The following HPS3 variants were observed in gnomAD, a reference collection of about 807,000 sequenced individuals.
The protein encoded by HPS3 is HPS3 biogenesis of lysosomal organelles complex 2 subunit 1, also known as BLOC-2 complex member HPS3.
In HPS3, 79 loss-of-function variants were observed where a neutral mutation model predicts 110.9. The observed-to-expected ratio is 0.71, with a 90% CI of 0.59 to 0.86. The LOEUF is 0.86. Among genes scored for constraint, HPS3 ranks in the 40% least tolerant of loss-of-function variants. HPS3 has a pLI of 0.00. For synonymous variants in HPS3, 428 were observed against 451.0 expected (o/e 0.95, Z 0.65); for missense variants, 1,197 against 1,206.2 (o/e 0.99, Z 0.11).
At chr3:149,140,785 C>T (rs112117971) in intron 2 of HPS3, among the ~76,000 whole-genome samples, 6 of 152,262 alleles carry the variant, frequency 3.9e-5, no homozygotes, top group African/African-American at 1.4e-4. Flanking sequence ...ATAATACCAT[C>T]TCTGAGTTTC....
chr3:149,149,692 T>G (rs1324410945), intron 5 of HPS3, among the ~76,000 whole-genome samples: 1 of 152,162 alleles, frequency 6.6e-6, no homozygotes, highest in Admixed American at 6.5e-5. Context: ...CACTTTCTAG[T>G]TTTTTTAAAA....
rs1040411263 is a variant in HPS3 at position 149,141,076 on chromosome 3, C to T, written c.772C>T (p.Leu258=). Residue 258 remains leucine, a synonymous_variant, in exon 3 of 17, where the codon CTG becomes TTG. Transcript: ENST00000296051. ...TGATTTTGTCATCTGCCAGAAGCCCCTGGAACTTCTTGGTGAAAAAAGTGA... is the reference window on the plus strand; with the variant it reads ...TGATTTTGTCATCTGCCAGAAGCCCTTGGAACTTCTTGGTGAAAAAAGTGA... ...SDDFVICQKP[L]ELLGEKSEQS... is the part of the protein sequence containing the mutation. 5 of 1,613,854 alleles carry T rather than the reference C, an allele frequency of 3.1e-6. 1 individual carries two copies. Among genetic ancestry groups the T allele is most frequent in the Middle Eastern group, 3.3e-4 (2 of 6,060 alleles).
intron 9 of HPS3, among the ~76,000 whole-genome samples, chr3:149,157,884 G>A (rs184125856): frequency 1.3e-3 from 204 of 152,268 alleles, no homozygotes; most frequent in African/African-American, 4.8e-3. Context: ...TTAACACTTG[G>A]ACATATTAAA....
At chr3:149,163,987 A>G in intron 14 of HPS3, 38 bp downstream of exon 14, 1 of 1,009,262 alleles carries the variant, frequency 9.9e-7, no homozygotes, top group Non-Finnish European at 1.6e-6. Context: ...GAAATTGCAT[A>G]TTACAATATA....
chr3:149,152,607 C>G (rs1576680618), intron 6 of HPS3, among the ~76,000 whole-genome samples: 2 of 152,308 alleles, frequency 1.3e-5, no homozygotes, highest in Middle Eastern at 6.8e-3. Flanking sequence ...GGCTTTGGAG[C>G]TGTGATGTCT....
Position 149,140,472 on chromosome 3 carries a change from A to C in HPS3, c.686A>C (p.Asn229Thr). Residue 229 changes from asparagine (N) to threonine (T), a missense_variant, in exon 2 of 17, where the codon AAC becomes ACC. Physicochemically the swap from Asn to Thr is moderately conservative, Grantham distance 65 (BLOSUM62 0). Coordinates refer to ENST00000296051, the MANE Select transcript of HPS3 (RefSeq NM_032383.5). ...ERVHHHPHKT[N>T]NRIRRTEEGI... The stretch of plus-strand genomic sequence containing the variant: ...GTTCACCACCATCCACATAAGACCA[A>C]CAATCGAATAAGACGGACAGAAGAA... 1 of 1,614,170 alleles carries C rather than the reference A, an allele frequency of 6.2e-7. No homozygotes were observed. Among genetic ancestry groups the C allele is most frequent in the Non-Finnish European group, 8.5e-7 (1 of 1,180,022 alleles).
chr3:149,167,571 C>G (rs1724552019), intron 15 of HPS3, among the ~76,000 whole-genome samples: 1 of 152,010 alleles, frequency 6.6e-6, no homozygotes, highest in Non-Finnish European at 1.5e-5. Flanking sequence ...AATTTTGGAC[C>G]TTAGTTCTTT....
intron 6 of HPS3, among the ~76,000 whole-genome samples, chr3:149,151,323 A>G (rs774229453): frequency 3.3e-4 from 50 of 151,964 alleles, no homozygotes; most frequent in Non-Finnish European, 6.5e-4. Flanking sequence ...ATGAACCACC[A>G]TGCCTGGCCC....
intron 11 of HPS3, 72 bp downstream of exon 11, chr3:149,160,351 T>C (rs573316005): frequency 1.0e-6 from 1 of 981,578 alleles, no homozygotes; most frequent in African/African-American, 1.6e-5. Flanking sequence ...TTAGCTGTCT[T>C]CTGGCTTCTT....
intron 8 of HPS3, 138 bp from the exon 9 acceptor site, chr3:149,157,212 A>C: frequency 2.5e-6 from 2 of 785,730 alleles, no homozygotes; most frequent in Non-Finnish European, 4.2e-6. Context: ...AGAATGGTGA[A>C]TAACCATTTT....
At chr3:149,141,970 A>C (rs1325363339) in intron 4 of HPS3, among the ~76,000 whole-genome samples, 22 of 147,160 alleles carry the variant, frequency 1.5e-4, no homozygotes, top group East Asian at 1.2e-3. Context: ...CCTGCCTCAG[A>C]CTCCCGAGTA....
At chr3:149,134,727 C>T (rs1469905962) in intron 1 of HPS3, among the ~76,000 whole-genome samples, 1 of 152,134 alleles carries the variant, frequency 6.6e-6, no homozygotes, top group African/African-American at 2.4e-5. Flanking sequence ...AGCATTGTAA[C>T]CTCATTAACG....
At position 149,141,017 on chromosome 3, in the gene HPS3, G is replaced by A; in HGVS notation, c.713G>A (p.Gly238Asp). The A allele has an allele frequency of 6.2e-7, 1 of 1,613,286 alleles. No homozygotes were observed. Among genetic ancestry groups the A allele is most frequent in the Non-Finnish European group, 8.5e-7 (1 of 1,179,512 alleles). ...GACTGTTACATTTTATTTTTTTAAG[G>A]CATCAGTAATGAAATTTCACAGCTT... ...TNNRIRRTEE[G>D]ISNEISQLES... Residue 238 changes from glycine to aspartate, a missense_variant and splice_region_variant, in exon 3 of 17, where the codon GGC becomes GAC. Coordinates refer to ENST00000296051, the MANE Select transcript of HPS3 (RefSeq NM_032383.5).
intron 9 of HPS3, 129 bp from the exon 10 acceptor site, chr3:149,158,537 C>A: frequency 1.1e-6 from 1 of 909,594 alleles, no homozygotes; most frequent in Non-Finnish European, 1.8e-6. Flanking sequence ...CCTGGAATCC[C>A]AGCACTTTGG....
At chr3:149,134,324 TTCTACTGAGTAACAAAC>T (rs1721949057) in intron 1 of HPS3, among the ~76,000 whole-genome samples, 1 of 152,156 alleles carries the variant, frequency 6.6e-6, no homozygotes, top group Non-Finnish European at 1.5e-5. Flanking sequence ...CTTTCAAGAG[TTCTACTGAGTAACAAAC>T]TCACCACTTT....
intron 1 of HPS3, among the ~76,000 whole-genome samples, chr3:149,138,191 G>A (rs187312815): frequency 7.0e-4 from 107 of 152,258 alleles, no homozygotes; most frequent in African/African-American, 2.4e-3. Flanking sequence ...ATCATCAGGA[G>A]AAAGCTTGCT....
At chr3:149,155,061 A>G in intron 7 of HPS3, 46 bp from the exon 8 acceptor site, 1 of 948,150 alleles carries the variant, frequency 1.1e-6, no homozygotes, top group Admixed American at 1.7e-5. Context: ...ACTACCATTT[A>G]TTAATAATGT....
At chr3:149,146,104 T>C (rs1722769691) in intron 5 of HPS3, among the ~76,000 whole-genome samples, 1 of 152,190 alleles carries the variant, frequency 6.6e-6, no homozygotes, top group Non-Finnish European at 1.5e-5. Flanking sequence ...TAAACTGGGT[T>C]CACAAGCAGT....
At chr3:149,171,384 G>A (rs528163343) in intron 16 of HPS3, among the ~76,000 whole-genome samples, 2 of 152,130 alleles carry the variant, frequency 1.3e-5, no homozygotes, top group Admixed American at 6.5e-5. Context: ...GAAATGTTAC[G>A]TTAGGAACTA....
Sources: gnomAD v4.1 joint callset for allele counts (sites outside exome capture counted in the v4.1 genomes callset) on GRCh38, gnomAD v4.1.1 for gene constraint, MANE v1.5 for transcripts, NCBI Gene and HGNC (gene_info 2026-07-23, HGNC 2026-07-21) for gene names.